Variants in WNT7B observed in about 807,000 individuals in gnomAD.
The protein encoded by WNT7B is protein Wnt-7b.
WNT7B carries 19 observed loss-of-function variants against 38.2 expected under a neutral mutation model. That is an observed-to-expected ratio of 0.50 (90% confidence interval 0.35 to 0.73). The LOEUF (loss-of-function observed/expected upper bound fraction) is 0.73, where lower values mean the gene tolerates loss of function less well. Ranked by LOEUF, WNT7B falls within the 30% of genes least tolerant of loss-of-function variation. The pLI is 0.01. For missense variants in WNT7B, 423 were observed against 507.9 expected (o/e 0.83, Z 1.61); for synonymous variants, 243 against 209.3 (o/e 1.16, Z -1.39).
At chr22:45,971,892 C>T (rs1432064980) in intron 1 of WNT7B, among the ~76,000 whole-genome samples, 1 of 152,182 alleles carries the variant, frequency 6.6e-6, no homozygotes, top group African/African-American at 2.4e-5. Context: ...GCCTGCTCTA[C>T]TCCCGCAGTC....
Position 45,947,717 on chromosome 22 carries a change from G to A in WNT7B, c.298+2203C>T, listed in dbSNP as rs112469399. 4.4e-3 allele frequency among the ~76,000 whole-genome samples: 663 copies of A among 152,306 alleles called. 6 individuals are homozygous for A. The highest frequency in any genetic ancestry group is 0.015 in the African/African-American group (639 of 41,560). On this transcript the variant is annotated intron_variant, in intron 2 of 3. Coordinates refer to ENST00000339464, the MANE Select transcript of WNT7B (RefSeq NM_058238.3). Reference sequence around the variant, plus strand: ...AGTTGACACCAGGAAGGTCACAAGCGGCCCAGACCAAGAGCAGTAGGGGCG... The same window carrying A: ...AGTTGACACCAGGAAGGTCACAAGCAGCCCAGACCAAGAGCAGTAGGGGCG...
intron 1 of WNT7B, among the ~76,000 whole-genome samples, chr22:45,969,404 T>TG (rs1932383621): frequency 6.6e-6 from 1 of 152,204 alleles, no homozygotes; most frequent in Non-Finnish European, 1.5e-5. Context: ...AGCCTGGTCC[T>TG]GGTCAAGGCC....
In WNT7B at chr22:45,976,537, CG is replaced by C; in HGVS notation, c.71+146del. 1.2e-6 allele frequency: 1 copy of C among 810,596 alleles called. No homozygotes were observed. Among genetic ancestry groups the C allele is most frequent in the South Asian group, 1.8e-5 (1 of 56,310 alleles). The allele number at this position is 810,596 out of a possible 1,614,324, so 50.2% of individuals were successfully genotyped here. On this transcript the variant is annotated intron_variant, in intron 1 of 3. Coordinates refer to ENST00000339464, the MANE Select transcript of WNT7B (RefSeq NM_058238.3). This position sits in a 1 kb window ranked among gnomAD's most constrained non-coding sequence, Gnocchi z 8.5. ...GGGCTGCGTCTCTGCTGGCGTGGGG[CG>C]AGGGTCTGACACACGGGCCAGCCCC...
chr22:45,931,409 CCTGGGCCAGGTG>C, intron 2 of WNT7B, 40 bp from the exon 3 acceptor site: 2 of 1,538,536 alleles, frequency 1.3e-6, no homozygotes, highest in Non-Finnish European at 1.7e-6. Flanking sequence ...GACCCCAGGC[CCTGGGCCAGGTG>C]GGCTCAGGGG....
chr22:45,950,734 G>A (rs1228696496), intron 1 of WNT7B, among the ~76,000 whole-genome samples: 2 of 152,224 alleles, frequency 1.3e-5, no homozygotes, highest in African/African-American at 4.8e-5. Flanking sequence ...CCCATGAAAT[G>A]GGGGTATAAA....
chr22:45,975,268 C>A lies in WNT7B; in HGVS notation c.71+1416G>T, dbSNP rs1437854023. Among the ~76,000 whole-genome samples, 1 of 152,110 alleles carries A rather than the reference C, an allele frequency of 6.6e-6. No individual in the cohort carries two copies. Among genetic ancestry groups the A allele is most frequent in the Non-Finnish European group, 1.5e-5 (1 of 68,004 alleles). ...AAGGGTTGCCATCACTTTGAGGGGC[C>A]CAGCGGGAGTCACTGCAGGACTGCT... is the stretch of plus-strand genomic sequence containing the variant. On this transcript the variant is annotated intron_variant, in intron 1 of 3. Transcript: ENST00000339464. The surrounding 1 kb of genome is among the most constrained non-coding windows in gnomAD (Gnocchi z 6.6).
chr22:45,962,419 C>T (rs1932217443), intron 1 of WNT7B, among the ~76,000 whole-genome samples: 1 of 152,220 alleles, frequency 6.6e-6, no homozygotes, highest in South Asian at 2.1e-4. Flanking sequence ...CAGGATGCAC[C>T]AGGTGCTGGC....
intron 1 of WNT7B, among the ~76,000 whole-genome samples, chr22:45,971,262 A>G (rs1221764297): frequency 1.3e-5 from 2 of 152,034 alleles, no homozygotes; most frequent in Non-Finnish European, 2.9e-5. Flanking sequence ...AAGGGAAGAG[A>G]AGGGGAGGGA....
chr22:45,969,578 C>T (rs1257056372), intron 1 of WNT7B, among the ~76,000 whole-genome samples: 1 of 152,234 alleles, frequency 6.6e-6, no homozygotes, highest in African/African-American at 2.4e-5. Flanking sequence ...TGGCCAGAGC[C>T]GCCTAGCACG....
At chr22:45,971,768 G>A (rs913154643) in intron 1 of WNT7B, among the ~76,000 whole-genome samples, 1 of 152,174 alleles carries the variant, frequency 6.6e-6, no homozygotes, top group African/African-American at 2.4e-5. Flanking sequence ...GGTATTGCGC[G>A]CCGCGTGGGT....
intron 2 of WNT7B, among the ~76,000 whole-genome samples, chr22:45,943,095 TTG>T (rs930055237): frequency 6.6e-6 from 1 of 151,878 alleles, no homozygotes; most frequent in East Asian, 1.9e-4. Context: ...GTGCGTGTGT[TTG>T]TGTGTGTGCA....
chr22:45,951,396 G>C lies in WNT7B; in HGVS notation c.72-1250C>G, dbSNP rs747442477. 1.2e-4 allele frequency among the ~76,000 whole-genome samples: 18 copies of C among 150,058 alleles called. No individual in the cohort carries two copies. The highest frequency in any genetic ancestry group is 2.2e-4 in the Non-Finnish European group (15 of 67,946). On this transcript the variant is annotated intron_variant, in intron 1 of 3. Coordinates refer to ENST00000339464, the MANE Select transcript of WNT7B (RefSeq NM_058238.3). This position sits in a 1 kb window ranked among gnomAD's most constrained non-coding sequence, Gnocchi z 4.8. ...CCAGCCTTGTGTGTTTTTTTAATGA[G>C]GTGAAATTCCCATAACATAAAATGA...
chr22:45,972,418 CGCTGGGTCTGGGGCAGCGGCGGGA>C (rs933160537), intron 1 of WNT7B: 14 of 262,940 alleles, frequency 5.3e-5, no homozygotes, highest in African/African-American at 3.0e-4. Context: ...CCGCGCATGG[CGCTGGGTCTGGGGCAGCGGCGGGA>C]GCTGGGGCTG....
At chr22:45,943,766 T>G (rs961296511) in intron 2 of WNT7B, among the ~76,000 whole-genome samples, 2 of 152,174 alleles carry the variant, frequency 1.3e-5, no homozygotes, top group Admixed American at 1.3e-4. Context: ...GAGGCGGTCA[T>G]GTGACAGGGC....
rs1487068335 is a variant in WNT7B at position 45,921,168 on chromosome 22, C to T, written c.*1688G>A. The T allele has an allele frequency of 1.3e-5, 2 of 152,506 alleles. No individual in the cohort carries two copies. Among genetic ancestry groups the T allele is most frequent in the African/African-American group, 2.4e-5 (1 of 41,438 alleles). 9.4% of individuals were successfully genotyped at this position (152,506 alleles called of 1,614,324 possible). ...TGGGCAGTGGGGGTGCACCAGGAGC[C>T]AGCTGCAGACCATCCTCTCTGGCCT... On this transcript the variant is annotated 3_prime_UTR_variant, in exon 4 of 4. Transcript: ENST00000339464.
intron 1 of WNT7B, among the ~76,000 whole-genome samples, chr22:45,969,365 C>T (rs1487352860): frequency 1.3e-5 from 2 of 152,322 alleles, no homozygotes; most frequent in East Asian, 1.9e-4. Flanking sequence ...AGACTGAGAG[C>T]GGAAGAGACC....
chr22:45,945,531 G>A (rs79328989), intron 2 of WNT7B, among the ~76,000 whole-genome samples: 1 of 152,194 alleles, frequency 6.6e-6, no homozygotes, highest in Admixed American at 6.5e-5. Context: ...TACACTTACG[G>A]CACATGTCGG....
rs748305634 is a variant in WNT7B, at chr22:45,931,406, G to C, written c.299-37C>G. The C allele has an allele frequency of 2.6e-6, 4 of 1,541,146 alleles. No homozygotes were observed. In the African/African-American group the frequency reaches 5.4e-5, roughly 21 times the overall value. On this transcript the variant is annotated intron_variant, in intron 2 of 3. Coordinates refer to ENST00000339464, the MANE Select transcript of WNT7B (RefSeq NM_058238.3). ...GACAGGTGCAGAAGGTGAGACCCCA[G>C]GCCCTGGGCCAGGTGGGCTCAGGGG...
chr22:45,932,072 C>T (rs571637171), intron 2 of WNT7B, among the ~76,000 whole-genome samples: 1 of 152,310 alleles, frequency 6.6e-6, no homozygotes, highest in East Asian at 1.9e-4. Context: ...TGGACTTGGG[C>T]AGCAGTCCTC....
Sources: allele counts gnomAD v4.1 joint callset (sites outside exome capture counted in the v4.1 genomes callset), GRCh38; gene constraint gnomAD v4.1.1; non-coding constraint Gnocchi (gnomAD v3.1); transcripts MANE v1.5; gene names NCBI Gene and HGNC (gene_info 2026-07-23, HGNC 2026-07-21).